INTS9: variants seen among roughly 807,000 people sequenced by gnomAD.
INTS9 encodes protein related to CPSF subunits of 74 kDa.
In INTS9, 55 loss-of-function variants were observed where a neutral mutation model predicts 79.7. The ratio of observed to expected loss-of-function variants is 0.69; its 90% confidence interval spans 0.56 to 0.86. The LOEUF (loss-of-function observed/expected upper bound fraction) is 0.86. Among genes scored for constraint, INTS9 ranks in the 40% least tolerant of loss-of-function variants. The pLI is 0.00. For synonymous variants in INTS9, 319 were observed against 325.2 expected (o/e 0.98, Z 0.20); for missense variants, 721 against 831.5 (o/e 0.87, Z 1.64).
At chr8:28,847,075 T>C (rs1264274703) in intron 3 of INTS9, among the ~76,000 whole-genome samples, 3 of 152,184 alleles carry the variant, frequency 2.0e-5, no homozygotes, top group South Asian at 2.1e-4. Context: ...TGCATGGGTA[T>C]GTGCTGCTCC....
chr8:28,815,344 G>A (rs185542928), intron 6 of INTS9, among the ~76,000 whole-genome samples: 1 of 152,182 alleles, frequency 6.6e-6, no homozygotes, highest in Admixed American at 6.5e-5. Flanking sequence ...GTACATACAT[G>A]AAAAACCAGC....
At chr8:28,881,822 G>C (rs1409463337) in intron 1 of INTS9, among the ~76,000 whole-genome samples, 1 of 143,890 alleles carries the variant, frequency 6.9e-6, no homozygotes, top group Admixed American at 6.7e-5. Flanking sequence ...CCCCGTCCGG[G>C]AGGGTGGTGG....
chr8:28,809,299 G>T (rs1025282022), intron 8 of INTS9, among the ~76,000 whole-genome samples: 1 of 151,940 alleles, frequency 6.6e-6, no homozygotes, highest in Non-Finnish European at 1.5e-5. Context: ...TAAACAAGTG[G>T]GTGTGGCTGT....
At position 28,850,241 on chromosome 8, in the gene INTS9, A is replaced by C. The variant is rs781056955; in HGVS notation, c.170T>G (p.Leu57Arg). 1 of 1,613,828 alleles carries C rather than the reference A, an allele frequency of 6.2e-7. No homozygotes were observed. Among genetic ancestry groups the C allele is most frequent in the South Asian group, 1.1e-5 (1 of 91,070 alleles). The change falls in exon 3 of 17, where the codon CTG (leucine) becomes CGG (arginine). Residue 57 changes from leucine (L) to arginine (R), a missense_variant. Transcript: ENST00000521022. ...PRLSNLPGWS[L>R]KDGNAFLDKE... ...GTCCAAGAAAGCATTTCCATCCTTC[A>C]GGGACCAGCCAGGAAGATTGGACAG...
intron 2 of INTS9, among the ~76,000 whole-genome samples, chr8:28,858,470 A>C (rs1461791582): frequency 6.6e-6 from 1 of 152,208 alleles, no homozygotes; most frequent in Non-Finnish European, 1.5e-5. Context: ...AGCTCCTCCC[A>C]ATCCAGTTTT....
intron 1 of INTS9, chr8:28,862,310 T>A: frequency 2.4e-6 from 2 of 826,890 alleles, no homozygotes; most frequent in Non-Finnish European, 2.9e-6. Flanking sequence ...TTCATATTTG[T>A]AAAAGCTGTA....
chr8:28,784,871 C>T (rs545623735), intron 11 of INTS9, among the ~76,000 whole-genome samples: 2 of 152,336 alleles, frequency 1.3e-5, no homozygotes, highest in African/African-American at 4.8e-5. Context: ...TATCAATGCT[C>T]CTAATAGCAA....
At chr8:28,799,733 A>G (rs1257215564) in intron 8 of INTS9, among the ~76,000 whole-genome samples, 3 of 152,208 alleles carry the variant, frequency 2.0e-5, no homozygotes, top group African/African-American at 4.8e-5. Context: ...CCAAGTACCA[A>G]CTTAAAATAC....
At chr8:28,871,123 C>G (rs1410045353) in intron 1 of INTS9, among the ~76,000 whole-genome samples, 1 of 152,106 alleles carries the variant, frequency 6.6e-6, no homozygotes, top group East Asian at 1.9e-4. Flanking sequence ...ACTAGTCACA[C>G]CGGTAGTAAG....
intron 10 of INTS9, among the ~76,000 whole-genome samples, chr8:28,790,204 G>A (rs768041957): frequency 6.6e-5 from 10 of 152,188 alleles, no homozygotes; most frequent in African/African-American, 1.2e-4. Context: ...TGAAGCACCC[G>A]TTCAGAACAC....
At chr8:28,833,124 C>T (rs139670038) in intron 6 of INTS9, among the ~76,000 whole-genome samples, 35 of 152,160 alleles carry the variant, frequency 2.3e-4, no homozygotes, top group African/African-American at 7.0e-4. Flanking sequence ...GCTCAAGCTC[C>T]GAAATAGTCA....
chr8:28,793,962 G>A lies in INTS9; in HGVS notation c.882C>T (p.Asn294=), dbSNP rs570936069. The A allele has an allele frequency of 7.5e-6, 12 of 1,603,362 alleles. No homozygotes were observed. Among genetic ancestry groups the A allele is most frequent in the Admixed American group, 3.4e-5 (2 of 58,962 alleles). ...NLALTVRNGG[N]VLVPCYPSGV... Reference sequence around the variant, plus strand: ...CAGAAGGGTAGCAGGGAACCAACACGTTTCCTCCATTCCGGACTGTCAGAG... The same window carrying A: ...CAGAAGGGTAGCAGGGAACCAACACATTTCCTCCATTCCGGACTGTCAGAG... Residue 294 remains asparagine (N), a synonymous_variant, in exon 10 of 17, where the codon AAC becomes AAT. Transcript: ENST00000521022.
At chr8:28,779,367 C>T (rs968137447) in intron 12 of INTS9, among the ~76,000 whole-genome samples, 14 of 152,192 alleles carry the variant, frequency 9.2e-5, no homozygotes, top group African/African-American at 2.9e-4. Context: ...CAGCAAGAGC[C>T]GGCCTGGCAC....
At chr8:28,843,078 T>C (rs1807287779) in intron 4 of INTS9, among the ~76,000 whole-genome samples, 1 of 152,212 alleles carries the variant, frequency 6.6e-6, no homozygotes, top group Non-Finnish European at 1.5e-5. Context: ...TGCAGTCCCT[T>C]AGTGGCAAGG....
At chr8:28,809,823 G>GA (rs1805006900) in intron 8 of INTS9, among the ~76,000 whole-genome samples, 1 of 152,092 alleles carries the variant, frequency 6.6e-6, no homozygotes, top group East Asian at 1.9e-4. Context: ...CCAGATGCAG[G>GA]AAAAAATAGC....
chr8:28,774,855 G>C (rs1216558735), intron 14 of INTS9, among the ~76,000 whole-genome samples: 1 of 152,186 alleles, frequency 6.6e-6, no homozygotes, highest in Admixed American at 6.5e-5. Flanking sequence ...GTCCCTCTCT[G>C]TCTCCCTCTC....
intron 10 of INTS9, among the ~76,000 whole-genome samples, chr8:28,792,130 G>T (rs1338105486): frequency 2.6e-5 from 4 of 152,124 alleles, no homozygotes; most frequent in Admixed American, 2.6e-4. Context: ...ACTCAATCAG[G>T]ATAGTCTAGA....
chr8:28,870,116 T>C (rs1383034707), intron 1 of INTS9, among the ~76,000 whole-genome samples: 4 of 152,110 alleles, frequency 2.6e-5, no homozygotes, highest in Non-Finnish European at 5.9e-5. Flanking sequence ...GAAGTAATTA[T>C]AGTTGATGAA....
chr8:28,794,293 C>T (rs1585365260), intron 9 of INTS9, among the ~76,000 whole-genome samples: 2 of 152,170 alleles, frequency 1.3e-5, no homozygotes, highest in African/African-American at 4.8e-5. Context: ...CGTTTTAGAT[C>T]CTGCTCAAAA....
Sources: allele counts gnomAD v4.1 joint callset (sites outside exome capture counted in the v4.1 genomes callset), GRCh38; gene constraint gnomAD v4.1.1; transcripts MANE v1.5; gene names NCBI Gene and HGNC (gene_info 2026-07-23, HGNC 2026-07-21).